HLA-F: variants seen among roughly 807,000 people sequenced by gnomAD.
The protein encoded by HLA-F is HLA class I histocompatibility antigen, alpha chain F.
In HLA-F, 46 loss-of-function variants were observed where a neutral mutation model predicts 49.5. The ratio of observed to expected loss-of-function variants is 0.93; its 90% confidence interval spans 0.73 to 1.19. The LOEUF is 1.19. Among genes scored for constraint, HLA-F ranks in the 50% most tolerant of loss-of-function variants. HLA-F has a pLI of 0.00. For synonymous variants in HLA-F, 203 were observed against 233.5 expected (o/e 0.87, Z 1.19); for missense variants, 496 against 579.6 (o/e 0.86, Z 1.48).
intron 6 of HLA-F, 181 bp downstream of exon 6, chr6:29,726,224 A>G: frequency 1.1e-6 from 1 of 928,874 alleles, no homozygotes; most frequent in Non-Finnish European, 1.8e-6. Flanking sequence ...ACAGCTAATA[A>G]AGGTGACACT....
At chr6:29,737,990 A>T (rs1777262410) in intron 3 of HLA-F, 1 of 152,312 alleles carries the variant, frequency 6.6e-6, no homozygotes, top group African/African-American at 2.4e-5. Context: ...AGTTACAGTC[A>T]GAGCTTCTTC....
chr6:29,726,272 G>A, intron 6 of HLA-F: 1 of 1,043,428 alleles, frequency 9.6e-7, no homozygotes, highest in Non-Finnish European at 1.5e-6. Flanking sequence ...GGTGTTGGGG[G>A]GGAACAGAGG....
chr6:29,725,007 C>T (rs1775864098), intron 3 of HLA-F, 24 bp from the exon 4 acceptor site: 2 of 1,608,136 alleles, frequency 1.2e-6, no homozygotes, highest in Admixed American at 3.4e-5. Context: ...GTGCAAAGTG[C>T]CTGAATTTTC....
chr6:29,727,283 A>C lies in HLA-F; in HGVS notation c.*108A>C. ...ATTATCACACCAAAGAAAATAAATA[A>C]TTCCATAATATTATTTAAAGTCCTT... On this transcript the variant is annotated 3_prime_UTR_variant, in exon 7 of 7. Coordinates refer to ENST00000259951, the MANE Select transcript of HLA-F (RefSeq NM_001098479.2). 1 of 640,566 alleles carries C rather than the reference A, an allele frequency of 1.6e-6. No individual in the cohort carries two copies. The highest frequency in any genetic ancestry group is 2.9e-5 in the East Asian group (1 of 34,824). 39.7% of individuals were successfully genotyped at this position (640,566 alleles called of 1,614,324 possible).
downstream of HLA-F, among the ~76,000 whole-genome samples, chr6:29,732,214 C>T (rs997674541): frequency 1.3e-5 from 2 of 152,124 alleles, no homozygotes; most frequent in Non-Finnish European, 2.9e-5. Flanking sequence ...GACAATCCAC[C>T]CTCCTTGGCC....
chr6:29,723,549 A>G lies in HLA-F; in HGVS notation c.64+22A>G, dbSNP rs1775598065. 4.4e-6 allele frequency: 7 copies of G among 1,607,538 alleles called. No homozygotes were observed. In the South Asian group the frequency reaches 5.5e-5, roughly 13 times the overall value. On this transcript the variant is annotated intron_variant, in intron 1 of 6. Coordinates refer to ENST00000259951, the MANE Select transcript of HLA-F (RefSeq NM_001098479.2). Reference sequence around the variant, plus strand: ...GCGGGTGAGTGCGGGGTCCAGAGAGAAACGGCCTCTGTGGGGAGGAGTGAG... The same window carrying G: ...GCGGGTGAGTGCGGGGTCCAGAGAGGAACGGCCTCTGTGGGGAGGAGTGAG...
At chr6:29,725,685 G>T in intron 5 of HLA-F, 122 bp downstream of exon 5, 1 of 837,210 alleles carries the variant, frequency 1.2e-6, no homozygotes, top group Admixed American at 2.2e-5. Context: ...GGTCTACCCA[G>T]CCTGGGCCCT....
intron 3 of HLA-F, among the ~76,000 whole-genome samples, chr6:29,733,346 C>A (rs1367451697): frequency 7.2e-6 from 1 of 139,396 alleles, no homozygotes; most frequent in Non-Finnish European, 1.6e-5. Context: ...GGTGGTATTT[C>A]TTCTGTGTAT....
Position 29,726,703 on chromosome 6 carries a change from G to A in HLA-F, c.1037-180G>A. ...CCCAATTTTGGTGGCAACAACCAAA[G>A]CATCGTAGTCAGGAGCCAGTCGAAC... On this transcript the variant is annotated intron_variant, in intron 6 of 6. Transcript: ENST00000259951. 4 of 1,289,504 alleles carry A rather than the reference G, an allele frequency of 3.1e-6. No homozygotes were observed. In the South Asian group the frequency reaches 3.6e-5, roughly 11 times the overall value. 79.9% of individuals were successfully genotyped at this position (1,289,504 alleles called of 1,614,324 possible).
At chr6:29,735,762 C>G (rs1777036438) in intron 3 of HLA-F, 1 of 152,116 alleles carries the variant, frequency 6.6e-6, no homozygotes, top group Admixed American at 6.5e-5. Context: ...TCTCCTTTCT[C>G]TCTCTCCTTT....
chr6:29,733,658 C>A (rs1776814909), intron 3 of HLA-F, among the ~76,000 whole-genome samples: 1 of 152,188 alleles, frequency 6.6e-6, no homozygotes, highest in Non-Finnish European at 1.5e-5. Flanking sequence ...AAGTTCAGAT[C>A]TCCTTCCAAC....
At position 29,725,217 on chromosome 6, in the gene HLA-F, C is replaced by T. The variant is rs373357796; in HGVS notation, c.797C>T (p.Ala266Val). The change falls in exon 4 of 7, where the codon GCC becomes GTC. Residue 266 changes from alanine (A) to valine (V), a missense_variant. Transcript: ENST00000259951. ...GGGGATGGAACCTTCCAGAAGTGGGCCGCTGTGGTGGTGCCTCCTGGAGAG... is the reference window on the plus strand; with the variant it reads ...GGGGATGGAACCTTCCAGAAGTGGGTCGCTGTGGTGGTGCCTCCTGGAGAG... ...PAGDGTFQKW[A>V]AVVVPPGEEQ... 52 of 1,613,542 alleles carry T rather than the reference C, an allele frequency of 3.2e-5. No individual in the cohort carries two copies. The highest frequency in any genetic ancestry group is 4.3e-5 in the Non-Finnish European group (51 of 1,179,860).
chr6:29,723,703 GCCGC>G lies in HLA-F; in HGVS notation c.111_114del (p.Arg38GlyfsTer11). The G allele has an allele frequency of 6.2e-7, 1 of 1,611,558 alleles. No individual in the cohort carries two copies. The highest frequency in any genetic ancestry group is 8.5e-7 in the Non-Finnish European group (1 of 1,179,636). On this transcript the variant is annotated frameshift_variant, in exon 2 of 7. Transcript: ENST00000259951. LOFTEE classifies it high-confidence loss of function. ...TTCAGCACCGCTGTGTCGCGGCCCG[GCCGC>G]GGGGAGCCCCGCTACATCGCCGTGG... is the stretch of plus-strand genomic sequence containing the variant.
Position 29,724,926 on chromosome 6 carries a change from C to G in HLA-F, c.611-105C>G. ...GGCTGGTGTCTGGGTTCTGTGCTCC[C>G]TTCCCCACCCCAGGTGTCCTGTCCA... On this transcript the variant is annotated intron_variant, in intron 3 of 6. Transcript: ENST00000259951. The G allele has an allele frequency of 3.0e-6, 4 of 1,325,630 alleles. No homozygotes were observed. The South Asian group carries it at 4.1e-5, about 14-fold the overall frequency. 82.1% of individuals were successfully genotyped at this position (1,325,630 alleles called of 1,614,324 possible).
At chr6:29,724,933 A>G (rs776718577) in intron 3 of HLA-F, 98 bp from the exon 4 acceptor site, 135 of 1,376,438 alleles carry the variant, frequency 9.8e-5, no homozygotes, top group Middle Eastern at 3.7e-4. Context: ...TCCCTTCCCC[A>G]CCCCAGGTGT....
intron 6 of HLA-F, chr6:29,726,530 G>A (rs1399817836): frequency 5.8e-5 from 88 of 1,527,548 alleles, no homozygotes; most frequent in Non-Finnish European, 7.6e-5. Flanking sequence ...ATAGATACAG[G>A]TAGATATGTT....
intron 3 of HLA-F, among the ~76,000 whole-genome samples, chr6:29,733,641 T>A (rs1776813400): frequency 6.6e-6 from 1 of 152,172 alleles, no homozygotes; most frequent in African/African-American, 2.4e-5. Context: ...ATAATAGTAA[T>A]ACAAAGAAGT....
rs371981513 is a variant in HLA-F at position 29,725,988 on chromosome 6, C to G, written c.1004-23C>G. 6.5e-4 allele frequency: 1,047 copies of G among 1,613,872 alleles called. 20 individuals carry two copies. The highest frequency in any genetic ancestry group is 6.4e-3 in the South Asian group (580 of 91,068). On this transcript the variant is annotated intron_variant, in intron 5 of 6. Transcript: ENST00000259951. Reference sequence around the variant, plus strand: ...TGGCCCTGCCTCCTTTCTGGCCTCTCACAGGACATTTTCTTCCCATAGATA... The same window carrying G: ...TGGCCCTGCCTCCTTTCTGGCCTCTGACAGGACATTTTCTTCCCATAGATA...
intron 2 of HLA-F, 115 bp from the exon 3 acceptor site, chr6:29,724,058 G>A (rs1179542895): frequency 6.5e-7 from 1 of 1,549,236 alleles, no homozygotes; most frequent in African/African-American, 1.4e-5. Flanking sequence ...CTCCACCCGG[G>A]AGAGTCCCAG....
Sources: gnomAD v4.1 joint callset for allele counts (sites outside exome capture counted in the v4.1 genomes callset) on GRCh38, gnomAD v4.1.1 for gene constraint, MANE v1.5 for transcripts, NCBI Gene and HGNC (gene_info 2026-07-23, HGNC 2026-07-21) for gene names.